KCNQ5: variants seen among roughly 807,000 people sequenced by gnomAD.
The protein encoded by KCNQ5 is potassium voltage-gated channel subfamily Q member 5, also known as potassium voltage-gated channel subfamily KQT member 5.
KCNQ5 carries 30 observed loss-of-function variants against 98.2 expected under a neutral mutation model. The ratio of observed to expected loss-of-function variants is 0.31; its 90% CI spans 0.23 to 0.41. KCNQ5 has a LOEUF of 0.41. Ranked by LOEUF, KCNQ5 falls within the 10% of genes least tolerant of loss-of-function variation. The pLI is 1.00. For synonymous variants in KCNQ5, 458 were observed against 449.4 expected, an observed-to-expected ratio of 1.02 and a Z score of -0.24; for missense variants, 835 against 1,182.5, an observed-to-expected ratio of 0.71 and a Z score of 4.31.
At chr6:72,673,261 A>G (rs1767232079) in intron 1 of KCNQ5, among the ~76,000 whole-genome samples, 1 of 152,140 alleles carries the variant, frequency 6.6e-6, no homozygotes, top group African/African-American at 2.4e-5. Flanking sequence ...TGGGCAAGGG[A>G]ACTTCTTATT....
chr6:72,719,083 G>A (rs1434694017), intron 1 of KCNQ5, among the ~76,000 whole-genome samples: 1 of 152,106 alleles, frequency 6.6e-6, no homozygotes. Flanking sequence ...GATCTGTGGG[G>A]CATAAATAGA....
chr6:73,037,334 T>G (rs1403455444), intron 2 of KCNQ5, among the ~76,000 whole-genome samples: 2 of 152,168 alleles, frequency 1.3e-5, no homozygotes, highest in Non-Finnish European at 2.9e-5. Flanking sequence ...TCATCCTTAG[T>G]ACCTGGGCTC....
chr6:72,671,468 C>T (rs1767099912), intron 1 of KCNQ5, among the ~76,000 whole-genome samples: 1 of 152,212 alleles, frequency 6.6e-6, no homozygotes, highest in African/African-American at 2.4e-5. Context: ...TTCCAAACCA[C>T]ATACCTTTGT....
intron 1 of KCNQ5, among the ~76,000 whole-genome samples, chr6:72,809,359 A>T (rs1284603792): frequency 6.6e-6 from 1 of 151,630 alleles, no homozygotes; most frequent in African/African-American, 2.4e-5. Flanking sequence ...AACCTGCACA[A>T]TGTGCACATG....
intron 1 of KCNQ5, among the ~76,000 whole-genome samples, chr6:72,777,894 T>G (rs1396234313): frequency 6.6e-6 from 1 of 152,114 alleles, no homozygotes; most frequent in Non-Finnish European, 1.5e-5. Flanking sequence ...ATGAAGAGGA[T>G]CAAGAGAAAA....
At chr6:73,165,511 C>T (rs897876225) in intron 10 of KCNQ5, among the ~76,000 whole-genome samples, 2 of 152,194 alleles carry the variant, frequency 1.3e-5, no homozygotes, top group Non-Finnish European at 2.9e-5. Flanking sequence ...TGGCCTGGCC[C>T]AGCACATGGC....
chr6:72,817,250 A>G (rs1172852527), intron 1 of KCNQ5, among the ~76,000 whole-genome samples: 1 of 152,240 alleles, frequency 6.6e-6, no homozygotes, highest in African/African-American at 2.4e-5. Context: ...CACATTTGCT[A>G]CTATATATTG....
chr6:73,045,265 A>G (rs891667602), intron 3 of KCNQ5, among the ~76,000 whole-genome samples: 1 of 152,230 alleles, frequency 6.6e-6, no homozygotes, highest in Non-Finnish European at 1.5e-5. Context: ...CAATTATAAC[A>G]TAAGGGAAGA....
chr6:73,058,997 C>A (rs1340036240), intron 3 of KCNQ5, among the ~76,000 whole-genome samples: 1 of 152,160 alleles, frequency 6.6e-6, no homozygotes, highest in African/African-American at 2.4e-5. Context: ...GTGTGGAAAG[C>A]CGTTTGGCAA....
intron 5 of KCNQ5, among the ~76,000 whole-genome samples, chr6:73,082,087 C>T (rs373999679): frequency 2.4e-4 from 36 of 152,296 alleles, no homozygotes; most frequent in South Asian, 4.1e-4. Flanking sequence ...ATCTGCAAGA[C>T]GCCTTCAAAT....
intron 1 of KCNQ5, among the ~76,000 whole-genome samples, chr6:72,900,352 A>G (rs1779438889): frequency 6.7e-6 from 1 of 148,692 alleles, no homozygotes; most frequent in South Asian, 2.1e-4. Flanking sequence ...CTCATCCTAT[A>G]TATATAAAGA....
intron 10 of KCNQ5, among the ~76,000 whole-genome samples, chr6:73,157,214 G>A (rs185451116): frequency 1.3e-5 from 2 of 152,364 alleles, no homozygotes; most frequent in East Asian, 3.9e-4. Flanking sequence ...TTGGGTGGGA[G>A]GTCAGGCCTT....
rs75311550 is a variant in KCNQ5 at position 72,854,391 on chromosome 6, T to C, written c.399-149517T>C. Among the ~76,000 whole-genome samples the C allele has an allele frequency of 4.7e-3, 708 of 152,090 alleles. 11 individuals are homozygous for C. Among genetic ancestry groups the C allele is most frequent in the East Asian group, 0.025 (130 of 5,160 alleles). On this transcript the variant is annotated intron_variant, in intron 1 of 13. Transcript: ENST00000370398. ...AATATGGGATGATCAGAGTATTATC[T>C]GTGATCGCAAAACTGTTAACAGATT...
chr6:73,082,887 C>CTTT (rs66921503), intron 5 of KCNQ5, among the ~76,000 whole-genome samples: 4 of 72,928 alleles, frequency 5.5e-5, no homozygotes, highest in Admixed American at 1.7e-4. Flanking sequence ...ATTACCAAAC[C>CTTT]TTTTTTTTTT....
chr6:72,778,540 G>GA (rs58093028), intron 1 of KCNQ5, among the ~76,000 whole-genome samples: 78,158 of 140,548 alleles, frequency 0.56, 21,226 homozygotes, highest in Middle Eastern at 0.63. Flanking sequence ...CCCTGTCACA[G>GA]AAAAAAAAAA....
chr6:72,681,054 T>C (rs1767680638), intron 1 of KCNQ5, among the ~76,000 whole-genome samples: 1 of 152,238 alleles, frequency 6.6e-6, no homozygotes, highest in Non-Finnish European at 1.5e-5. Flanking sequence ...GTGGAAGGGC[T>C]ATGAAAGCCC....
At position 72,854,088 on chromosome 6, in the gene KCNQ5, G is replaced by A. The variant is rs75321386; in HGVS notation, c.399-149820G>A. ...ATGAGGTTACAATGACCTAATAAAC[G>A]GATATACCATGAGAACGCTTAAGAA... On this transcript the variant is annotated intron_variant, in intron 1 of 13. Transcript: ENST00000370398. Among the ~76,000 whole-genome samples, 168 of 152,136 alleles carry A rather than the reference G, an allele frequency of 1.1e-3. 3 individuals are homozygous for A. In the East Asian group the frequency reaches 0.028, roughly 25 times the overall value.
At chr6:72,759,959 A>G (rs1260846746) in intron 1 of KCNQ5, among the ~76,000 whole-genome samples, 1 of 152,100 alleles carries the variant, frequency 6.6e-6, no homozygotes, top group Non-Finnish European at 1.5e-5. Flanking sequence ...AAGAAAATAG[A>G]TAAGATGTGC....
intron 1 of KCNQ5, among the ~76,000 whole-genome samples, chr6:72,823,596 A>G (rs2150116227): frequency 6.6e-6 from 1 of 152,316 alleles, no homozygotes; most frequent in South Asian, 2.1e-4. Flanking sequence ...CAGCTGCAGA[A>G]GGGAGACCTG....
Sources: gnomAD v4.1 joint callset for allele counts (sites outside exome capture counted in the v4.1 genomes callset) on GRCh38, gnomAD v4.1.1 for gene constraint, MANE v1.5 for transcripts, NCBI Gene and HGNC (gene_info 2026-07-23, HGNC 2026-07-21) for gene names.